The following COP1 variants were observed in gnomAD, a reference collection of about 807,000 sequenced individuals.
COP1 encodes E3 ubiquitin-protein ligase COP1.
COP1 carries 24 observed loss-of-function variants against 101.3 expected under a neutral mutation model. The ratio of observed to expected loss-of-function variants is 0.24; its 90% CI spans 0.17 to 0.33. The LOEUF (loss-of-function observed/expected upper bound fraction) is 0.33, where lower values mean the gene tolerates loss of function less well. Ranked by LOEUF, COP1 falls within the 10% of genes least tolerant of loss-of-function variation. The pLI is 1.00. For missense variants in COP1, 663 were observed against 906.2 expected, an observed-to-expected ratio of 0.73 and a Z score of 3.45; for synonymous variants, 347 against 341.9, an observed-to-expected ratio of 1.01 and a Z score of -0.17.
chr1:176,049,149 G>A lies in COP1; in HGVS notation c.1278-2825C>T, dbSNP rs978518565. Among the ~76,000 whole-genome samples the A allele has an allele frequency of 2.3e-3, 333 of 143,252 alleles. 6 individuals carry two copies. The highest frequency in any genetic ancestry group is 8.0e-3 in the African/African-American group (307 of 38,386). 94.0% of individuals were successfully genotyped at this position (143,252 alleles called of 152,430 possible). On this transcript the variant is annotated intron_variant, in intron 11 of 19. Coordinates refer to ENST00000367669, the MANE Select transcript of COP1 (RefSeq NM_022457.7). ...ATTGCGCCATTGCAGTCCGCAGTCC[G>A]GCCTGGGCAACAGAGCGAGACTCCG...
chr1:175,992,622 G>A (rs1030575018), intron 15 of COP1, among the ~76,000 whole-genome samples: 3 of 152,318 alleles, frequency 2.0e-5, no homozygotes, highest in South Asian at 2.1e-4. Flanking sequence ...AGGGTCCTAC[G>A]CCCACGGAGT....
chr1:176,092,982 A>C (rs189737568), intron 9 of COP1, among the ~76,000 whole-genome samples: 19 of 152,320 alleles, frequency 1.2e-4, no homozygotes, highest in Admixed American at 3.3e-4. Context: ...GTAGTATAGT[A>C]ACACAATGGA....
intron 6 of COP1, among the ~76,000 whole-genome samples, chr1:176,145,307 A>G (rs1394800649): frequency 2.0e-5 from 3 of 152,192 alleles, no homozygotes; most frequent in Non-Finnish European, 4.4e-5. Flanking sequence ...CAGTGTATAT[A>G]CCCCAAGATT....
At chr1:176,023,982 GCATGGTAGC>G (rs1054258798) in intron 15 of COP1, among the ~76,000 whole-genome samples, 1 of 152,126 alleles carries the variant, frequency 6.6e-6, no homozygotes, top group Non-Finnish European at 1.5e-5. Flanking sequence ...TACAGGCCGG[GCATGGTAGC>G]TCATGCCTGT....
intron 18 of COP1, among the ~76,000 whole-genome samples, chr1:175,985,593 G>A (rs1165319952): frequency 6.6e-6 from 1 of 152,176 alleles, no homozygotes; most frequent in African/African-American, 2.4e-5. Flanking sequence ...TGTGAAGCTA[G>A]TATAAGCACT....
intron 15 of COP1, among the ~76,000 whole-genome samples, chr1:176,015,525 C>T (rs1665474158): frequency 6.6e-6 from 1 of 152,098 alleles, no homozygotes; most frequent in Non-Finnish European, 1.5e-5. Flanking sequence ...ATAAGGAAGA[C>T]ATACAATAAT....
chr1:176,152,818 T>C (rs1370764468), intron 5 of COP1, among the ~76,000 whole-genome samples: 1 of 152,162 alleles, frequency 6.6e-6, no homozygotes, highest in Non-Finnish European at 1.5e-5. Flanking sequence ...ACCTATAAAA[T>C]GTGCAGGTAA....
At chr1:176,073,627 T>C (rs1319053222) in intron 11 of COP1, among the ~76,000 whole-genome samples, 1 of 152,224 alleles carries the variant, frequency 6.6e-6, no homozygotes, top group African/African-American at 2.4e-5. Context: ...ATTGCTAACC[T>C]AGGACCATCT....
At chr1:175,990,136 T>TA (rs1236936827) in intron 15 of COP1, among the ~76,000 whole-genome samples, 1 of 152,132 alleles carries the variant, frequency 6.6e-6, no homozygotes, top group African/African-American at 2.4e-5. Context: ...CAAATTGTGA[T>TA]ATGATGTGTT....
intron 18 of COP1, among the ~76,000 whole-genome samples, chr1:175,951,437 AAT>A (rs765055146): frequency 0.01 from 1,111 of 108,012 alleles, 63 homozygotes; most frequent in African/African-American, 0.035. Context: ...AAGATACGTG[AAT>A]ATATATATAT....
chr1:176,136,100 C>T (rs1423271389), intron 7 of COP1, among the ~76,000 whole-genome samples: 1 of 151,880 alleles, frequency 6.6e-6, no homozygotes, highest in Non-Finnish European at 1.5e-5. Context: ...GTAATGTATT[C>T]TTATATTTCT....
intron 14 of COP1, among the ~76,000 whole-genome samples, chr1:176,042,270 CAAA>C (rs35822380): frequency 1.1e-5 from 1 of 88,030 alleles, no homozygotes; most frequent in Non-Finnish European, 2.1e-5. Context: ...AACTCTATCT[CAAA>C]AAAAAAAAAA....
At position 175,949,957 on chromosome 1, in the gene COP1, A is replaced by C. The variant is rs535481362; in HGVS notation, c.2134-2718T>G. ...AAAACTAGGAAAATTGTAGTATATT[A>C]TCTTACAGTATGAAAAATTAGCCCC... On this transcript the variant is annotated intron_variant, in intron 18 of 19. Coordinates refer to ENST00000367669, the MANE Select transcript of COP1 (RefSeq NM_022457.7). Among the ~76,000 whole-genome samples, 8 of 152,268 alleles carry C rather than the reference A, an allele frequency of 5.3e-5. No individual in the cohort carries two copies. In the South Asian group the frequency reaches 6.2e-4, roughly 12 times the overall value.
In COP1 at chr1:176,031,464, C is replaced by T. The variant is rs552914949; in HGVS notation, c.1613-3776G>A. On this transcript the variant is annotated intron_variant, in intron 14 of 19. Transcript: ENST00000367669. Reference sequence around the variant, plus strand: ...GGATGGTAGTAAGAATTTCATTTAACTTCCAAAATTTAAATTTCAGAATTT... The same window carrying T: ...GGATGGTAGTAAGAATTTCATTTAATTTCCAAAATTTAAATTTCAGAATTT... Among the ~76,000 whole-genome samples the T allele has an allele frequency of 1.3e-3, 194 of 152,214 alleles. 2 individuals are homozygous for T. The highest frequency in any genetic ancestry group is 4.4e-3 in the African/African-American group (184 of 41,564).
chr1:176,002,054 A>G (rs749143915), intron 15 of COP1, among the ~76,000 whole-genome samples: 2 of 152,116 alleles, frequency 1.3e-5, no homozygotes, highest in Non-Finnish European at 2.9e-5. Flanking sequence ...AAGAGTTTCA[A>G]TATGATGAGT....
intron 11 of COP1, among the ~76,000 whole-genome samples, chr1:176,064,653 GTTTTC>G (rs1675583469): frequency 6.6e-6 from 1 of 151,868 alleles, no homozygotes; most frequent in Non-Finnish European, 1.5e-5. Flanking sequence ...TTCTTTCCCC[GTTTTC>G]TTTCTTTTTT....
At chr1:176,025,122 T>C (rs1342532298) in intron 15 of COP1, among the ~76,000 whole-genome samples, 1 of 152,206 alleles carries the variant, frequency 6.6e-6, no homozygotes, top group Non-Finnish European at 1.5e-5. Flanking sequence ...GATAAAATAC[T>C]GTTTTGCTTC....
In COP1 at chr1:176,165,397, T is replaced by G. The variant is rs564561716; in HGVS notation, c.566-1506A>C. Among the ~76,000 whole-genome samples the G allele has an allele frequency of 6.0e-4, 88 of 146,150 alleles. 1 individual carries two copies. In the East Asian group the frequency reaches 0.015, roughly 25 times the overall value. On this transcript the variant is annotated intron_variant, in intron 3 of 19. Transcript: ENST00000367669. Reference sequence around the variant, plus strand: ...GTGTGTGTGTGTGTGTGTGTGTGTGTGTGTGTGTGTAGGAGATACAACGAT... The same window carrying G: ...GTGTGTGTGTGTGTGTGTGTGTGTGGGTGTGTGTGTAGGAGATACAACGAT...
intron 15 of COP1, among the ~76,000 whole-genome samples, chr1:176,007,344 C>T (rs374140336): frequency 1.3e-4 from 20 of 152,182 alleles, no homozygotes; most frequent in South Asian, 2.1e-4. Context: ...TCTCTCAGCT[C>T]GTCAAAGTCA....
Sources: gnomAD v4.1 joint callset for allele counts (sites outside exome capture counted in the v4.1 genomes callset) on GRCh38, gnomAD v4.1.1 for gene constraint, MANE v1.5 for transcripts, NCBI Gene and HGNC (gene_info 2026-07-23, HGNC 2026-07-21) for gene names.